The following MAGI1 variants were observed in gnomAD, a reference collection of about 807,000 sequenced individuals.
The protein encoded by MAGI1 is membrane associated guanylate kinase, WW and PDZ domain containing 1.
MAGI1 carries 58 observed loss-of-function variants against 139.9 expected under a neutral mutation model. The observed-to-expected ratio is 0.41, with a 90% CI of 0.34 to 0.52. The LOEUF (loss-of-function observed/expected upper bound fraction) is 0.52, where lower values mean the gene tolerates loss of function less well. Among genes scored for constraint, MAGI1 ranks in the 20% least tolerant of loss-of-function variants. MAGI1 has a pLI of 0.12. For synonymous variants in MAGI1, 812 were observed against 737.9 expected (o/e 1.10, Z -1.63); for missense variants, 1,874 against 1,901.6 (o/e 0.99, Z 0.27).
intron 1 of MAGI1, among the ~76,000 whole-genome samples, chr3:65,833,798 T>C (rs2042658423): frequency 6.6e-6 from 1 of 152,216 alleles, no homozygotes; most frequent in African/African-American, 2.4e-5. Context: ...AAAGTTTCCT[T>C]AATTGAGTAA....
chr3:65,603,465 A>T (rs2082574983), intron 2 of MAGI1, among the ~76,000 whole-genome samples: 1 of 152,252 alleles, frequency 6.6e-6, no homozygotes, highest in African/African-American at 2.4e-5. Context: ...TATTTGGAAT[A>T]AAAAATTAAG....
chr3:65,989,744 G>T (rs2066066243), intron 1 of MAGI1, among the ~76,000 whole-genome samples: 1 of 152,062 alleles, frequency 6.6e-6, no homozygotes, highest in African/African-American at 2.4e-5. Context: ...TGCCACATTG[G>T]CCAGGCTGGT....
rs189192563 is a variant in MAGI1 at position 65,692,384 on chromosome 3, C to G, written c.314-70296G>C. ...CTATACTAGGTGATGGGGACAGAGC[C>G]TCCCCTCATGTTATGGGTGAAACTG... On this transcript the variant is annotated intron_variant, in intron 1 of 22. Transcript: ENST00000402939. Among the ~76,000 whole-genome samples, 245 of 152,288 alleles carry G rather than the reference C, an allele frequency of 1.6e-3. 1 individual carries two copies. Among genetic ancestry groups the G allele is most frequent in the Non-Finnish European group, 2.2e-3 (148 of 68,028 alleles).
chr3:65,405,996 G>C (rs1262419540), intron 12 of MAGI1, among the ~76,000 whole-genome samples: 3 of 152,196 alleles, frequency 2.0e-5, no homozygotes, highest in African/African-American at 4.8e-5. Context: ...AAAGTGCTGG[G>C]ATTACAGGCG....
chr3:65,881,442 G>A (rs1026904947), intron 1 of MAGI1, among the ~76,000 whole-genome samples: 2 of 152,100 alleles, frequency 1.3e-5, no homozygotes, highest in African/African-American at 4.8e-5. Context: ...GGCTGGGCAG[G>A]GTGGCAAGAC....
chr3:65,608,458 C>T (rs1269284345), intron 2 of MAGI1, among the ~76,000 whole-genome samples: 2 of 151,390 alleles, frequency 1.3e-5, no homozygotes, highest in East Asian at 1.9e-4. Flanking sequence ...AAACAAAAAA[C>T]GGACAAATGG....
chr3:66,008,563 T>C (rs1318642032), intron 1 of MAGI1, among the ~76,000 whole-genome samples: 1 of 151,976 alleles, frequency 6.6e-6, no homozygotes, highest in African/African-American at 2.4e-5. Context: ...TACAACTGAG[T>C]GGCAAGTGCT....
At chr3:65,750,728 G>A (rs2107821656) in intron 1 of MAGI1, among the ~76,000 whole-genome samples, 1 of 152,278 alleles carries the variant, frequency 6.6e-6, no homozygotes, top group South Asian at 2.1e-4. Context: ...TCATGAATGT[G>A]TATTTTTTAC....
chr3:65,627,457 G>A (rs2084031102), intron 1 of MAGI1, among the ~76,000 whole-genome samples: 1 of 108,436 alleles, frequency 9.2e-6, no homozygotes, highest in South Asian at 3.5e-4. Context: ...ATGCTCTCTT[G>A]ATTTGCCGTT....
At chr3:65,508,327 C>A (rs980341822) in intron 2 of MAGI1, among the ~76,000 whole-genome samples, 2 of 151,980 alleles carry the variant, frequency 1.3e-5, no homozygotes, top group African/African-American at 4.8e-5. Context: ...TGGCGTGAAC[C>A]TGGGAGGCGG....
At chr3:65,433,543 G>A (rs553015896) in intron 10 of MAGI1, among the ~76,000 whole-genome samples, 1 of 152,238 alleles carries the variant, frequency 6.6e-6, no homozygotes, top group South Asian at 2.1e-4. Flanking sequence ...CACCCCATAA[G>A]CAGTGGAATT....
intron 1 of MAGI1, among the ~76,000 whole-genome samples, chr3:65,789,939 G>A (rs1273226675): frequency 6.6e-6 from 1 of 152,216 alleles, no homozygotes; most frequent in Non-Finnish European, 1.5e-5. Context: ...CATAGTCCAT[G>A]AGATAAAGCT....
chr3:65,679,163 A>C (rs1035269841), intron 1 of MAGI1, among the ~76,000 whole-genome samples: 4 of 152,176 alleles, frequency 2.6e-5, no homozygotes, highest in African/African-American at 9.7e-5. Context: ...TAGCTCAAAA[A>C]AAAACAAAAT....
chr3:65,579,235 G>A (rs918269485), intron 2 of MAGI1, among the ~76,000 whole-genome samples: 13 of 152,086 alleles, frequency 8.5e-5, no homozygotes, highest in African/African-American at 2.9e-4. Context: ...GCAAGACCAG[G>A]TGACTTGTCT....
intron 2 of MAGI1, chr3:65,620,011 C>G: frequency 3.0e-6 from 3 of 985,158 alleles, no homozygotes; most frequent in Non-Finnish European, 3.6e-6. Flanking sequence ...TGCCCCAATT[C>G]CTACATAGTG....
At chr3:65,932,494 C>A (rs1038482498) in intron 1 of MAGI1, among the ~76,000 whole-genome samples, 1 of 152,194 alleles carries the variant, frequency 6.6e-6, no homozygotes, top group Non-Finnish European at 1.5e-5. Context: ...TCAGCATTCC[C>A]ACCATCCCGA....
At chr3:65,696,865 G>A (rs1211412225) in intron 1 of MAGI1, among the ~76,000 whole-genome samples, 8 of 151,900 alleles carry the variant, frequency 5.3e-5, no homozygotes, top group Non-Finnish European at 1.0e-4. Context: ...TGCTAGAAAT[G>A]CAAATTAGAG....
At chr3:65,933,535 G>A (rs1415809260) in intron 1 of MAGI1, among the ~76,000 whole-genome samples, 1 of 152,110 alleles carries the variant, frequency 6.6e-6, no homozygotes, top group African/African-American at 2.4e-5. Flanking sequence ...CCTAGCCTTG[G>A]GAACAATACT....
At chr3:65,764,878 G>A (rs146800758) in intron 1 of MAGI1, among the ~76,000 whole-genome samples, 4 of 152,238 alleles carry the variant, frequency 2.6e-5, no homozygotes, top group South Asian at 4.1e-4. Context: ...AAACAGAACC[G>A]CTTGTTTTGT....
Sources: allele counts gnomAD v4.1 joint callset (sites outside exome capture counted in the v4.1 genomes callset), GRCh38; gene constraint gnomAD v4.1.1; transcripts MANE v1.5; gene names NCBI Gene and HGNC (gene_info 2026-07-23, HGNC 2026-07-21).